IFT20: variants seen among roughly 807,000 people sequenced by gnomAD.
IFT20 encodes intraflagellar transport protein 20 homolog.
Under a neutral mutation model 16.9 loss-of-function variants are expected in IFT20, and 4 were observed. That is an observed-to-expected ratio of 0.24 (90% CI 0.12 to 0.54). The LOEUF (loss-of-function observed/expected upper bound fraction) is 0.54. Ranked by LOEUF, IFT20 falls within the 20% of genes least tolerant of loss-of-function variation. The pLI, the probability that IFT20 is intolerant of heterozygous loss-of-function variation, is 0.95. For missense variants in IFT20, 154 were observed against 149.7 expected (o/e 1.03, Z -0.15); for synonymous variants, 48 against 49.9 (o/e 0.96, Z 0.16).
chr17:28,333,107 A>ACACACACACACACACACACACACACAC (rs1555576829), intron 1 of IFT20, among the ~76,000 whole-genome samples: 2 of 150,828 alleles, frequency 1.3e-5, no homozygotes, highest in Admixed American at 6.6e-5. Flanking sequence ...ACACACACAC[A>ACACACACACACACACACACACACACAC]ATTAAACATA....
Position 28,331,843 on chromosome 17 carries a change from T to C in IFT20, c.127+16A>G, listed in dbSNP as rs782020147. 1 of 1,613,864 alleles carries C rather than the reference T, an allele frequency of 6.2e-7. No individual in the cohort carries two copies. The highest frequency in any genetic ancestry group is 8.5e-7 in the Non-Finnish European group (1 of 1,179,824). On this transcript the variant is annotated intron_variant, in intron 2 of 4. Coordinates refer to ENST00000395418, the MANE Select transcript of IFT20 (RefSeq NM_001267776.2). Reference sequence around the variant, plus strand: ...CAGCTCAAAGCTGAGTGGCACTGTATCTCCCCAATACTCACTGTCCACAAA... The same window carrying C: ...CAGCTCAAAGCTGAGTGGCACTGTACCTCCCCAATACTCACTGTCCACAAA...
intron 4 of IFT20, 106 bp from the exon 5 acceptor site, chr17:28,328,839 G>A (rs782509056): frequency 2.6e-5 from 20 of 780,200 alleles, no homozygotes; most frequent in African/African-American, 5.2e-5. Context: ...AAGAAATGGT[G>A]TGAGTTCAGA....
At chr17:28,330,597 G>A in intron 2 of IFT20, 69 bp from the exon 3 acceptor site, 1 of 1,034,034 alleles carries the variant, frequency 9.7e-7, no homozygotes, top group Admixed American at 1.7e-5. Flanking sequence ...AGAGTGCTAA[G>A]GCAGTGAGAG....
In IFT20 at chr17:28,329,162, T is replaced by C; in HGVS notation, c.317+11A>G. The C allele has an allele frequency of 6.3e-7, 1 of 1,597,202 alleles. No individual in the cohort carries two copies. Among genetic ancestry groups the C allele is most frequent in the Non-Finnish European group, 8.6e-7 (1 of 1,165,110 alleles). On this transcript the variant is annotated intron_variant, in intron 4 of 4. Transcript: ENST00000395418. ...TGTGTAAAGAACTTGCTTTACATCA[T>C]GACTTCTTACCTTTCTAGCTGCATT...
chr17:28,333,802 G>C lies in IFT20; in HGVS notation c.-3+1538C>G, dbSNP rs117147553. ...CTAAGATAGCCAGACCTGGTGACAG[G>C]TGCCTGTAGTCCCAGCTACTTGGGA... On this transcript the variant is annotated intron_variant, in intron 1 of 4. Transcript: ENST00000395418. 5.9e-3 allele frequency among the ~76,000 whole-genome samples: 900 copies of C among 152,202 alleles called. 5 individuals carry two copies. Among genetic ancestry groups the C allele is most frequent in the Non-Finnish European group, 0.011 (723 of 68,002 alleles).
In IFT20 at chr17:28,332,004, C is replaced by T; in HGVS notation, c.-2-17G>A. The T allele has an allele frequency of 6.2e-7, 1 of 1,614,120 alleles. No homozygotes were observed. The highest frequency in any genetic ancestry group is 1.1e-5 in the South Asian group (1 of 91,078). On this transcript the variant is annotated splice_polypyrimidine_tract_variant and intron_variant, in intron 1 of 4. Transcript: ENST00000395418. ...TGGCCATGGCTGTAAAGAAACAGGC[C>T]CAATTCCTCATCACTTCCCAGCCAC...
At position 28,328,719 on chromosome 17, in the gene IFT20, T is replaced by C; in HGVS notation, c.332A>G (p.Tyr111Cys). 1 of 1,600,288 alleles carries C rather than the reference T, an allele frequency of 6.2e-7. No individual in the cohort carries two copies. The highest frequency in any genetic ancestry group is 8.5e-7 in the Non-Finnish European group (1 of 1,173,496). The change falls in exon 5 of 5, where the codon TAT (tyrosine) becomes TGT (cysteine). Residue 111 changes from tyrosine to cysteine, a missense_variant. Tyr to Cys is a radical substitution (Grantham distance 194). Transcript: ENST00000395418. ...KMQLERYRVE[Y>C]EALCKVEAEQ... ...TGCTTCTACTTTACACAAAGCTTCATATTCAACCCGATACCTGAAAAACAA... is the reference window on the plus strand; with the variant it reads ...TGCTTCTACTTTACACAAAGCTTCACATTCAACCCGATACCTGAAAAACAA...
chr17:28,330,292 G>A, intron 3 of IFT20, 151 bp downstream of exon 3: 1 of 664,342 alleles, frequency 1.5e-6, no homozygotes. Flanking sequence ...AGTTCAGTAG[G>A]TTAAGTGGAC....
chr17:28,332,114 G>A (rs782175518), intron 1 of IFT20, 127 bp from the exon 2 acceptor site: 48 of 1,581,934 alleles, frequency 3.0e-5, no homozygotes, highest in South Asian at 7.9e-5. Flanking sequence ...AAGGATCCCC[G>A]TTCCCTCTGC....
At chr17:28,332,133 C>T in intron 1 of IFT20, 146 bp from the exon 2 acceptor site, 10 of 1,554,548 alleles carry the variant, frequency 6.4e-6, no homozygotes, top group African/African-American at 1.4e-5. Flanking sequence ...GCCACCACCT[C>T]TCTGAGCCTC....
intron 1 of IFT20, among the ~76,000 whole-genome samples, chr17:28,334,723 CTA>C (rs1907019772): frequency 6.6e-6 from 1 of 152,234 alleles, no homozygotes; most frequent in Admixed American, 6.5e-5. Context: ...AAACAGGAGA[CTA>C]TTGCAGTAAC....
rs376265046 is a variant in IFT20, at chr17:28,328,752, A to G, written c.318-19T>C. ...CCGATACCTGAAAAACAAAATTGTT[A>G]GAGGCCCTGAAAAAAAGATGAAGTA... On this transcript the variant is annotated intron_variant, in intron 4 of 4. Transcript: ENST00000395418. The G allele has an allele frequency of 2.5e-4, 359 of 1,444,632 alleles. 1 individual carries two copies. The African/African-American group carries it at 4.6e-3, about 18-fold the overall frequency. 89.5% of individuals were successfully genotyped at this position (1,444,632 alleles called of 1,614,324 possible). A position where few individuals can be genotyped will look rare whatever the true frequency, so the allele number is the denominator to read the frequency against.
chr17:28,332,132 T>A, intron 1 of IFT20, 145 bp from the exon 2 acceptor site: 3 of 1,550,682 alleles, frequency 1.9e-6, no homozygotes, highest in Non-Finnish European at 2.6e-6. Context: ...TGCCACCACC[T>A]CTCTGAGCCT....
chr17:28,331,725 C>T (rs782547846), intron 2 of IFT20, 134 bp downstream of exon 2: 68 of 1,081,052 alleles, frequency 6.3e-5, no homozygotes, highest in Non-Finnish European at 8.1e-5. Flanking sequence ...AAGGGTGGCA[C>T]GTGGGAACTC....
At position 28,328,508 on chromosome 17, in the gene IFT20, TG is replaced by T; in HGVS notation, c.*143del. 1 of 660,728 alleles carries T rather than the reference TG, an allele frequency of 1.5e-6. No individual in the cohort carries two copies. The highest frequency in any genetic ancestry group is 1.7e-5 in the South Asian group (1 of 58,158). 40.9% of individuals were successfully genotyped at this position (660,728 alleles called of 1,614,324 possible). On this transcript the variant is annotated 3_prime_UTR_variant, in exon 5 of 5. Transcript: ENST00000395418. ...ACTGGCTCCCCCAGACTTGTAGTGC[TG>T]TCTTCAGGGGGCTGCATTCCTTACA...
chr17:28,331,815 T>C (rs557430178), intron 2 of IFT20, 44 bp downstream of exon 2: 19 of 1,611,922 alleles, frequency 1.2e-5, no homozygotes, highest in Middle Eastern at 1.7e-4. Context: ...ACAGTTGAAA[T>C]GGCAGCTCAA....
intron 1 of IFT20, chr17:28,332,264 C>T (rs1555576710): frequency 2.0e-6 from 3 of 1,486,768 alleles, no homozygotes; most frequent in Non-Finnish European, 2.7e-6. Flanking sequence ...TTGCTTGTCA[C>T]AGGCATCGTT....
At chr17:28,332,394 C>CA (rs1270696097) in intron 1 of IFT20, 1 of 550,468 alleles carries the variant, frequency 1.8e-6, no homozygotes, top group Non-Finnish European at 3.2e-6. Context: ...TGGAAGAAGA[C>CA]AGACACGGAA....
chr17:28,328,595 G>T lies in IFT20; in HGVS notation c.*57C>A. 2 of 1,131,290 alleles carry T rather than the reference G, an allele frequency of 1.8e-6. No individual in the cohort carries two copies. Among genetic ancestry groups the T allele is most frequent in the Non-Finnish European group, 2.6e-6 (2 of 771,312 alleles). The allele number at this position is 1,131,290 out of a possible 1,614,324, so 70.1% of individuals were successfully genotyped here. A position where few individuals can be genotyped will look rare whatever the true frequency, so the allele number is the denominator to read the frequency against. On this transcript the variant is annotated 3_prime_UTR_variant, in exon 5 of 5. Coordinates refer to ENST00000395418, the MANE Select transcript of IFT20 (RefSeq NM_001267776.2). ...GCTGGAATGCTACAGAGGTTTTTTT[G>T]GTTTTGAGAGGCTTTTTTTTGTTTT... is the stretch of plus-strand genomic sequence containing the variant.
Sources: allele counts gnomAD v4.1 joint callset (sites outside exome capture counted in the v4.1 genomes callset), GRCh38; gene constraint gnomAD v4.1.1; transcripts MANE v1.5; gene names NCBI Gene and HGNC (gene_info 2026-07-23, HGNC 2026-07-21).